LRGUK: variants seen among roughly 807,000 people sequenced by gnomAD.
LRGUK encodes leucine-rich repeat and guanylate kinase domain-containing protein.
LRGUK carries 65 observed loss-of-function variants against 76.0 expected under a neutral mutation model. The ratio of observed to expected loss-of-function variants is 0.85; its 90% CI spans 0.70 to 1.05. LRGUK has a LOEUF of 1.05. Ranked by LOEUF, LRGUK falls within the 50% of genes least tolerant of loss-of-function variation. The pLI is 0.00. For missense variants in LRGUK, 758 were observed against 732.8 expected (o/e 1.03, Z -0.40); for synonymous variants, 268 against 265.6 (o/e 1.01, Z -0.09).
At chr7:134,166,608 T>C (rs1464365715) in intron 7 of LRGUK, among the ~76,000 whole-genome samples, 1 of 152,160 alleles carries the variant, frequency 6.6e-6, no homozygotes, top group African/African-American at 2.4e-5. Context: ...TGGAGAGAAC[T>C]TGAATCCTGA....
At chr7:134,127,604 C>T (rs765398188) in exon 1 of LRGUK, 1 of 1,614,086 alleles carries the variant, frequency 6.2e-7, no homozygotes, top group Non-Finnish European at 8.5e-7. Flanking sequence ...GAGATGAGGA[C>T]CAGGGCGAGG....
intron 19 of LRGUK, 90 bp from the exon 20 acceptor site, chr7:134,263,755 A>G (rs1490722151): frequency 7.2e-6 from 9 of 1,254,724 alleles, no homozygotes; most frequent in Non-Finnish European, 9.7e-6. Context: ...AATTCTAGAA[A>G]TTGTTCTGGT....
chr7:134,229,350 G>A (rs1222072833), intron 16 of LRGUK, among the ~76,000 whole-genome samples: 6 of 149,662 alleles, frequency 4.0e-5, no homozygotes, highest in Non-Finnish European at 8.9e-5. Flanking sequence ...GTGACAGAGG[G>A]AGACTCCATC....
chr7:134,271,164 C>A, the LRGUK span, among the ~76,000 whole-genome samples: 1 of 151,774 alleles, frequency 6.6e-6, no homozygotes, highest in Non-Finnish European at 1.5e-5. Flanking sequence ...GAGTTATTAT[C>A]TTTTTCTTAT....
rs1363663520 is a variant in LRGUK, at chr7:134,191,640, G to A, written c.1335-15G>A. 6.4e-7 allele frequency: 1 copy of A among 1,563,468 alleles called. No individual in the cohort carries two copies. ...AAGTTAGAAATGGACTAGGTGATCTGTTTTATGATTTCAGGGCCTGTCATA... is the reference window on the plus strand; with the variant it reads ...AAGTTAGAAATGGACTAGGTGATCTATTTTATGATTTCAGGGCCTGTCATA... On this transcript the variant is annotated splice_polypyrimidine_tract_variant and intron_variant, in intron 11 of 15. Coordinates refer to ENST00000645682, the Ensembl canonical transcript of LRGUK.
At chr7:134,217,910 A>AT (rs1473058144) in intron 15 of LRGUK, among the ~76,000 whole-genome samples, 2 of 151,480 alleles carry the variant, frequency 1.3e-5, no homozygotes, top group African/African-American at 4.9e-5. Flanking sequence ...TATTCTTGTT[A>AT]TTTTTTCCTT....
intron 1 of LRGUK, among the ~76,000 whole-genome samples, chr7:134,129,295 C>T (rs1797179677): frequency 7.8e-6 from 1 of 128,742 alleles, no homozygotes; most frequent in South Asian, 3.1e-4. Context: ...CACTCTGTCT[C>T]TCTTTCTTTC....
chr7:134,172,143 A>G (rs1204602917), intron 7 of LRGUK, among the ~76,000 whole-genome samples: 1 of 152,206 alleles, frequency 6.6e-6, no homozygotes, highest in Non-Finnish European at 1.5e-5. Context: ...AAATCTTTCC[A>G]TGTCAATCAT....
chr7:134,196,192 G>T (rs1381527189), intron 12 of LRGUK, among the ~76,000 whole-genome samples: 2 of 152,092 alleles, frequency 1.3e-5, no homozygotes, highest in African/African-American at 4.8e-5. Context: ...TATTCCTTCT[G>T]TTGTCATCAG....
chr7:134,263,623 C>CTTTTTTT (rs59840547), intron 19 of LRGUK, among the ~76,000 whole-genome samples: 6 of 114,006 alleles, frequency 5.3e-5, no homozygotes, highest in Non-Finnish European at 5.4e-5. Context: ...TCATTTCTTT[C>CTTTTTTT]TTTTTTTTTT....
At chr7:134,276,085 A>T in the LRGUK span, among the ~76,000 whole-genome samples, 1 of 152,210 alleles carries the variant, frequency 6.6e-6, no homozygotes, top group African/African-American at 2.4e-5. Flanking sequence ...CTTGATAATG[A>T]CTTCAGAGAC....
At chr7:134,265,193 A>C (rs1222079649), downstream of LRGUK, among the ~76,000 whole-genome samples, 1 of 152,208 alleles carries the variant, frequency 6.6e-6, no homozygotes, top group Admixed American at 6.5e-5. Flanking sequence ...TAACTTTCAC[A>C]AGTATCGTCT....
the LRGUK span, among the ~76,000 whole-genome samples, chr7:134,272,715 G>A: frequency 3.2e-4 from 48 of 152,200 alleles, 1 homozygote; most frequent in Non-Finnish European, 7.4e-5. Context: ...AAATTACTTT[G>A]TCTGAATGAC....
chr7:134,170,009 C>G (rs1043589990), intron 7 of LRGUK, among the ~76,000 whole-genome samples: 6 of 151,976 alleles, frequency 3.9e-5, no homozygotes, highest in Admixed American at 1.3e-4. Context: ...TCTTACTACA[C>G]CTTTGTGAGC....
chr7:134,250,364 T>G (rs1391772431), intron 18 of LRGUK, among the ~76,000 whole-genome samples: 1 of 152,224 alleles, frequency 6.6e-6, no homozygotes, highest in Admixed American at 6.5e-5. Flanking sequence ...TATGTTATTA[T>G]CTTCTAGTGA....
chr7:134,154,265 A>G (rs1798366932), intron 5 of LRGUK, among the ~76,000 whole-genome samples: 1 of 152,234 alleles, frequency 6.6e-6, no homozygotes, highest in Admixed American at 6.5e-5. Flanking sequence ...TGTAATGTGT[A>G]GTGATTTATC....
chr7:134,184,866 G>A (rs1258910084), intron 11 of LRGUK, among the ~76,000 whole-genome samples: 2 of 152,242 alleles, frequency 1.3e-5, no homozygotes, highest in African/African-American at 2.4e-5. Context: ...TAAATGGCAT[G>A]TGAAGGCAGG....
intron 10 of LRGUK, among the ~76,000 whole-genome samples, chr7:134,182,511 T>C (rs751174523): frequency 1.3e-5 from 2 of 152,150 alleles, no homozygotes; most frequent in Non-Finnish European, 2.9e-5. Context: ...TTCATGTACT[T>C]ATATGTGTTT....
In LRGUK at chr7:134,176,220, C is replaced by T. The variant is rs200236563; in HGVS notation, c.1021-757C>T. 1.5e-4 allele frequency among the ~76,000 whole-genome samples: 23 copies of T among 152,188 alleles called. 1 individual carries two copies. The East Asian group carries it at 4.1e-3, about 27-fold the overall frequency. On this transcript the variant is annotated intron_variant, in intron 8 of 15. Coordinates refer to ENST00000645682, the Ensembl canonical transcript of LRGUK. ...GGAGGAGAACAACATACCCTGGGGC[C>T]TGTCAGGGGCGGGAGGAGGGAGAGT...
Sources: gnomAD v4.1 joint callset for allele counts (sites outside exome capture counted in the v4.1 genomes callset) on GRCh38, gnomAD v4.1.1 for gene constraint, MANE v1.5 for transcripts, NCBI Gene and HGNC (gene_info 2026-07-23, HGNC 2026-07-21) for gene names.